TPST1: variants seen among roughly 807,000 people sequenced by gnomAD.
The protein encoded by TPST1 is tyrosylprotein sulfotransferase 1, also known as protein-tyrosine sulfotransferase 1.
A neutral mutation model predicts 34.8 loss-of-function variants in TPST1; 20 were observed. That is an observed-to-expected ratio of 0.57 (90% confidence interval 0.40 to 0.84). The LOEUF (loss-of-function observed/expected upper bound fraction) is 0.84, where lower values mean the gene tolerates loss of function less well. Ranked by LOEUF, TPST1 falls within the 40% of genes least tolerant of loss-of-function variation. The probability of loss-of-function intolerance (pLI) is 0.00; values close to 1 mark genes in which losing one functional copy is unlikely to be tolerated. For missense variants in TPST1, 353 were observed against 455.5 expected (o/e 0.78, Z 2.05); for synonymous variants, 152 against 159.4 (o/e 0.95, Z 0.35).
At chr7:66,297,195 C>T (rs187980145) in intron 3 of TPST1, among the ~76,000 whole-genome samples, 2 of 152,126 alleles carry the variant, frequency 1.3e-5, no homozygotes, top group African/African-American at 2.4e-5. Flanking sequence ...TTCATTACAG[C>T]CTATTTGCTG....
chr7:66,341,469 T>C (rs575579115), intron 3 of TPST1, among the ~76,000 whole-genome samples: 2 of 152,182 alleles, frequency 1.3e-5, no homozygotes, highest in South Asian at 4.1e-4. Flanking sequence ...TTGGTAGAGA[T>C]GGGTTATCAC....
intron 3 of TPST1, among the ~76,000 whole-genome samples, chr7:66,345,489 C>CAAAAAAAAA (rs58837242): frequency 9.2e-5 from 6 of 64,866 alleles, no homozygotes; most frequent in Admixed American, 2.1e-4. Flanking sequence ...ACTCCATCTC[C>CAAAAAAAAA]AAAAAAAAAA....
chr7:66,330,034 CCAAA>C (rs1791965197), intron 3 of TPST1, among the ~76,000 whole-genome samples: 1 of 152,078 alleles, frequency 6.6e-6, no homozygotes, highest in African/African-American at 2.4e-5. Flanking sequence ...CAATCATATC[CCAAA>C]CTTCAGCATC....
At chr7:66,314,457 G>A (rs1291696630) in intron 3 of TPST1, among the ~76,000 whole-genome samples, 1 of 152,164 alleles carries the variant, frequency 6.6e-6, no homozygotes, top group African/African-American at 2.4e-5. Context: ...AGCCTGCAGT[G>A]AGCTGAGATT....
intron 1 of TPST1, among the ~76,000 whole-genome samples, chr7:66,216,294 G>A (rs1017450385): frequency 7.8e-5 from 2 of 25,746 alleles, no homozygotes; most frequent in Non-Finnish European, 1.7e-4. Flanking sequence ...TTCATAATTT[G>A]AGTCTTCTCT....
chr7:66,322,607 C>T (rs1791779728), intron 3 of TPST1, among the ~76,000 whole-genome samples: 1 of 152,152 alleles, frequency 6.6e-6, no homozygotes, highest in Non-Finnish European at 1.5e-5. Context: ...TATGTCTGTA[C>T]CACATTTTGT....
At chr7:66,356,692 C>CCA in intron 4 of TPST1, 133 bp from the exon 5 acceptor site, 2 of 972,714 alleles carry the variant, frequency 2.1e-6, no homozygotes, top group South Asian at 2.9e-5. Flanking sequence ...CTTGAGCATA[C>CCA]CACAGTAGTG....
intron 2 of TPST1, among the ~76,000 whole-genome samples, chr7:66,285,202 C>T (rs1414867771): frequency 2.0e-5 from 3 of 152,124 alleles, no homozygotes; most frequent in Non-Finnish European, 4.4e-5. Context: ...TATATAACAT[C>T]CTCTGCTCAT....
intron 2 of TPST1, among the ~76,000 whole-genome samples, chr7:66,243,980 GCT>G (rs1217884073): frequency 8.0e-6 from 1 of 124,630 alleles, no homozygotes; most frequent in African/African-American, 3.1e-5. Flanking sequence ...ACGGAGTCTT[GCT>G]CTGTCGCCCA....
At chr7:66,275,460 G>T (rs1164056650) in intron 2 of TPST1, among the ~76,000 whole-genome samples, 1 of 152,174 alleles carries the variant, frequency 6.6e-6, no homozygotes, top group Non-Finnish European at 1.5e-5. Flanking sequence ...CAATAGCCAA[G>T]ATATCAACCC....
At chr7:66,244,675 G>A (rs1390840758) in intron 2 of TPST1, among the ~76,000 whole-genome samples, 2 of 152,170 alleles carry the variant, frequency 1.3e-5, no homozygotes, top group African/African-American at 2.4e-5. Flanking sequence ...AGTTACAAGA[G>A]CGTACAGTTA....
chr7:66,354,522 C>CAAAA (rs66521537), intron 4 of TPST1, among the ~76,000 whole-genome samples: 17 of 60,804 alleles, frequency 2.8e-4, no homozygotes, highest in Non-Finnish European at 4.1e-4. Flanking sequence ...GAGTCTGTCT[C>CAAAA]AAAAAAAAAA....
At chr7:66,204,788 A>C (rs2116172728), upstream of TPST1, among the ~76,000 whole-genome samples, 1 of 151,928 alleles carries the variant, frequency 6.6e-6, no homozygotes, top group Non-Finnish European at 1.5e-5. Context: ...GCACGTCTAC[A>C]CTCTCGTGGG....
At chr7:66,276,651 T>C (rs1442053425) in intron 2 of TPST1, among the ~76,000 whole-genome samples, 1 of 152,080 alleles carries the variant, frequency 6.6e-6, no homozygotes, top group Non-Finnish European at 1.5e-5. Context: ...ACTCTTGTCT[T>C]CCTTCTAGTT....
chr7:66,235,858 C>G (rs538601835), intron 1 of TPST1, among the ~76,000 whole-genome samples: 15 of 152,214 alleles, frequency 9.9e-5, no homozygotes, highest in African/African-American at 3.6e-4. Context: ...AGACTTGAAG[C>G]GGGGAAGGGG....
chr7:66,283,151 C>T (rs984771052), intron 2 of TPST1, among the ~76,000 whole-genome samples: 1 of 152,106 alleles, frequency 6.6e-6, no homozygotes, highest in Non-Finnish European at 1.5e-5. Flanking sequence ...TCCCCAGCTA[C>T]TCAGGAGGCT....
At chr7:66,269,919 G>C (rs749909966) in intron 2 of TPST1, among the ~76,000 whole-genome samples, 2 of 152,130 alleles carry the variant, frequency 1.3e-5, no homozygotes, top group African/African-American at 2.4e-5. Flanking sequence ...GTCTCATGGT[G>C]GGGGAGGGGG....
chr7:66,299,397 A>AT (rs1252014475), intron 3 of TPST1, among the ~76,000 whole-genome samples: 6 of 125,722 alleles, frequency 4.8e-5, no homozygotes, highest in Admixed American at 8.2e-5. Flanking sequence ...GTCGTTTTGT[A>AT]TTTTTTTTAA....
At chr7:66,297,327 A>G (rs1360420655) in intron 3 of TPST1, among the ~76,000 whole-genome samples, 2 of 152,146 alleles carry the variant, frequency 1.3e-5, no homozygotes, top group Non-Finnish European at 2.9e-5. Context: ...AAAGTCCAAA[A>G]TTGAATTTAT....
Sources: allele counts gnomAD v4.1 joint callset (sites outside exome capture counted in the v4.1 genomes callset), GRCh38; gene constraint gnomAD v4.1.1; transcripts MANE v1.5; gene names NCBI Gene and HGNC (gene_info 2026-07-23, HGNC 2026-07-21).